The following SH3KBP1 variants were observed in gnomAD, a reference collection of about 807,000 sequenced individuals.
SH3KBP1 encodes SH3 domain-containing kinase-binding protein 1.
A neutral mutation model predicts 50.1 loss-of-function variants in SH3KBP1; 8 were observed. The observed-to-expected ratio is 0.16, with a 90% CI of 0.09 to 0.29. SH3KBP1 has a LOEUF of 0.29. SH3KBP1 is among the 10% of genes least tolerant of loss of function. The probability of loss-of-function intolerance (pLI) is 1.00; values close to 1 mark genes in which losing one functional copy is unlikely to be tolerated. For synonymous variants in SH3KBP1, 227 were observed against 218.6 expected, an observed-to-expected ratio of 1.04 and a Z score of -0.34; for missense variants, 377 against 535.2, an observed-to-expected ratio of 0.70 and a Z score of 2.92.
chrX:19,878,629 T>G (rs1235776935), intron 1 of SH3KBP1, among the ~76,000 whole-genome samples: 1 of 110,333 alleles, frequency 9.1e-6, no homozygotes. Flanking sequence ...GAATCTCAAC[T>G]GGGATCCTTG....
chrX:19,822,661 G>T (rs1303172718), intron 2 of SH3KBP1, among the ~76,000 whole-genome samples: 3 of 111,938 alleles, frequency 2.7e-5, no homozygotes, highest in African/African-American at 9.7e-5. Context: ...CTGTTGATTG[G>T]CTTTTCTCAT....
intron 2 of SH3KBP1, among the ~76,000 whole-genome samples, chrX:19,762,967 G>T (rs1055961073): frequency 8.9e-6 from 1 of 112,090 alleles, no homozygotes; most frequent in Non-Finnish European, 1.9e-5. Flanking sequence ...CCTGCCTGAG[G>T]CAATCTCCTT....
chrX:19,649,465 G>A (rs758500057), intron 6 of SH3KBP1, among the ~76,000 whole-genome samples: 1 of 111,446 alleles, frequency 9.0e-6, no homozygotes, highest in East Asian at 2.8e-4. Context: ...GGATAGAGCT[G>A]TATCTGTATC....
At chrX:19,664,771 T>A (rs2062553998) in intron 6 of SH3KBP1, 1 of 112,245 alleles carries the variant, frequency 8.9e-6, no homozygotes, top group African/African-American at 3.2e-5. Flanking sequence ...AGCTTCATAA[T>A]GTTTTAGCCT....
intron 3 of SH3KBP1, 89 bp downstream of exon 3, chrX:19,746,229 T>C (rs560467281): frequency 3.8e-6 from 4 of 1,056,428 alleles, no homozygotes; most frequent in Middle Eastern, 5.1e-4. Context: ...TATTCAATTT[T>C]TCAGCAATAT....
chrX:19,631,484 G>A (rs760246322), intron 8 of SH3KBP1, among the ~76,000 whole-genome samples: 1 of 109,413 alleles, frequency 9.1e-6, no homozygotes, highest in South Asian at 3.7e-4. Context: ...TTCTGCCTGT[G>A]AGGCATGACC....
intron 3 of SH3KBP1, among the ~76,000 whole-genome samples, chrX:19,718,544 G>A (rs1009821156): frequency 2.7e-5 from 3 of 112,084 alleles, no homozygotes; most frequent in African/African-American, 9.7e-5. Context: ...CAAAGAGCAC[G>A]TAATATACTG....
At position 19,887,323 on chromosome X, in the gene SH3KBP1, G is replaced by C; in HGVS notation, c.-13C>G. Reference sequence around the variant, plus strand: ...CCCACTCACCCATTGGCGTCGAGCCGGGCCGGGCCGCCGAGGCAGCGTGAA... The same window carrying C: ...CCCACTCACCCATTGGCGTCGAGCCCGGCCGGGCCGCCGAGGCAGCGTGAA... On this transcript the variant is annotated 5_prime_UTR_variant, in exon 1 of 18. Transcript: ENST00000397821. 2.0e-5 allele frequency: 20 copies of C among 979,180 alleles called. No homozygotes were observed. Among genetic ancestry groups the C allele is most frequent in the Non-Finnish European group, 2.6e-5 (20 of 776,777 alleles). The allele number at this position is 979,180 out of a possible 1,213,427, so 80.7% of individuals were successfully genotyped here.
intron 8 of SH3KBP1, among the ~76,000 whole-genome samples, chrX:19,623,615 C>T (rs371684763): frequency 1.8e-5 from 2 of 112,138 alleles, no homozygotes; most frequent in East Asian, 2.8e-4. Flanking sequence ...ACCCGGCAGG[C>T]GGAGGTTGCA....
chrX:19,580,379 C>T (rs887025277), intron 12 of SH3KBP1, among the ~76,000 whole-genome samples: 9 of 111,667 alleles, frequency 8.1e-5, no homozygotes, highest in Admixed American at 1.9e-4. Flanking sequence ...AGTCTACCCA[C>T]GCTTGGCCGC....
intron 7 of SH3KBP1, among the ~76,000 whole-genome samples, chrX:19,635,241 A>G (rs751257705): frequency 2.0e-4 from 22 of 112,107 alleles, no homozygotes; most frequent in Non-Finnish European, 3.4e-4. Context: ...ATGCAGCCAT[A>G]AAAAGGAATG....
At chrX:19,577,179 G>A (rs1468451889) in intron 12 of SH3KBP1, among the ~76,000 whole-genome samples, 3 of 112,030 alleles carry the variant, frequency 2.7e-5, no homozygotes, top group Non-Finnish European at 3.8e-5. Flanking sequence ...TTTTCATTAC[G>A]TAGATAAGGA....
chrX:19,760,899 T>C (rs1819478543), intron 2 of SH3KBP1, among the ~76,000 whole-genome samples: 1 of 108,573 alleles, frequency 9.2e-6, no homozygotes, highest in Admixed American at 1.0e-4. Flanking sequence ...CAACTCCTAG[T>C]GTGGTTGGTT....
At chrX:19,561,952 G>A (rs1461944834) in intron 13 of SH3KBP1, among the ~76,000 whole-genome samples, 1 of 109,454 alleles carries the variant, frequency 9.1e-6, no homozygotes, top group Non-Finnish European at 1.9e-5. Context: ...CTAAATCAGG[G>A]CATCCTGCTG....
At chrX:19,784,031 C>T (rs1337726663) in intron 2 of SH3KBP1, among the ~76,000 whole-genome samples, 1 of 111,913 alleles carries the variant, frequency 8.9e-6, no homozygotes, top group Admixed American at 9.5e-5. Flanking sequence ...AAAATGAACC[C>T]GTATCAATTA....
intron 1 of SH3KBP1, among the ~76,000 whole-genome samples, chrX:19,848,045 A>G (rs1187507267): frequency 8.9e-6 from 1 of 112,536 alleles, no homozygotes; most frequent in African/African-American, 3.2e-5. Flanking sequence ...GAGTTAGTGA[A>G]AATAAGTAAA....
intron 7 of SH3KBP1, among the ~76,000 whole-genome samples, chrX:19,641,406 G>T (rs779032479): frequency 8.9e-6 from 1 of 112,451 alleles, no homozygotes; most frequent in African/African-American, 3.2e-5. Flanking sequence ...CCTTACCATT[G>T]TATTTCAAGT....
chrX:19,815,182 A>G (rs75559923), intron 2 of SH3KBP1, among the ~76,000 whole-genome samples: 1,609 of 111,853 alleles, frequency 0.014, 12 homozygotes, highest in African/African-American at 0.021. Context: ...ATCCTAAAAA[A>G]TACTAATGCT....
chrX:19,683,338 C>T (rs763639224), intron 6 of SH3KBP1: 1 of 370,789 alleles, frequency 2.7e-6, no homozygotes, highest in East Asian at 7.6e-5. Flanking sequence ...CTGCGGGAGA[C>T]TTCCTTTCAA....
Sources: allele counts gnomAD v4.1 joint callset (sites outside exome capture counted in the v4.1 genomes callset), GRCh38; gene constraint gnomAD v4.1.1; transcripts MANE v1.5; gene names NCBI Gene and HGNC (gene_info 2026-07-23, HGNC 2026-07-21).